The following LBP variants were observed in gnomAD, a reference collection of about 807,000 sequenced individuals.
LBP encodes the protein lipopolysaccharide binding protein.
LBP carries 53 observed loss-of-function variants against 56.6 expected under a neutral mutation model. The observed-to-expected ratio is 0.94, with a 90% CI of 0.75 to 1.18. The LOEUF (loss-of-function observed/expected upper bound fraction) is 1.18. LBP is among the 50% of genes most tolerant of loss of function. LBP has a pLI of 0.00. For missense variants in LBP, 601 were observed against 598.3 expected, an observed-to-expected ratio of 1.00 and a Z score of -0.05; for synonymous variants, 227 against 247.5, an observed-to-expected ratio of 0.92 and a Z score of 0.78.
intron 3 of LBP, among the ~76,000 whole-genome samples, chr20:38,351,737 G>A (rs1256199747): frequency 6.6e-6 from 1 of 152,086 alleles, no homozygotes; most frequent in African/African-American, 2.4e-5. Context: ...TCCCATTTCT[G>A]AGGCCATGCA....
At position 38,360,754 on chromosome 20, in the gene LBP, C is replaced by T. The variant is rs748166795; in HGVS notation, c.639C>T (p.Leu213=). 3 of 1,611,926 alleles carry T rather than the reference C, an allele frequency of 1.9e-6. No homozygotes were observed. The East Asian group carries it at 6.7e-5, about 36-fold the overall frequency. Residue 213 remains leucine, a synonymous_variant, in exon 6 of 15, where the codon CTC becomes CTT. Coordinates refer to ENST00000217407, the MANE Select transcript of LBP (RefSeq NM_004139.5). ...KSVSSDLQPY[L]QTLPVTTEID... ...TGTCCTCCGATCTACAGCCTTATCT[C>T]CAAACTCTGCCAGGTAGGACACCCC...
chr20:38,373,820 A>T, intron 13 of LBP, 117 bp from the exon 14 acceptor site: 1 of 877,754 alleles, frequency 1.1e-6, no homozygotes. Context: ...TAGTCTTGGA[A>T]ATCACTAAAT....
rs115102077 is a variant in LBP at position 38,376,431 on chromosome 20, C to T, written c.1402-194C>T. On this transcript the variant is annotated intron_variant, in intron 14 of 14. Coordinates refer to ENST00000217407, the MANE Select transcript of LBP (RefSeq NM_004139.5). ...CGGGGAATGACAGATCGATCTCTAC[C>T]TTGGAGAAGGTAGCTGGGAAGAGCT... 9.3e-4 allele frequency among the ~76,000 whole-genome samples: 142 copies of T among 152,304 alleles called. 1 individual carries two copies. Among genetic ancestry groups the T allele is most frequent in the African/African-American group, 3.3e-3 (138 of 41,576 alleles).
At chr20:38,346,771 G>C in intron 1 of LBP, 131 bp downstream of exon 1, 1 of 1,287,134 alleles carries the variant, frequency 7.8e-7, no homozygotes, top group Non-Finnish European at 1.1e-6. Flanking sequence ...TGGGTCAGGT[G>C]GCTCTGGCTC....
intron 5 of LBP, among the ~76,000 whole-genome samples, chr20:38,359,136 G>C (rs186794013): frequency 1.1e-4 from 17 of 152,120 alleles, no homozygotes; most frequent in Admixed American, 3.3e-4. Flanking sequence ...TGATCTTTAT[G>C]ATTTTTTTTC....
intron 10 of LBP, among the ~76,000 whole-genome samples, chr20:38,369,617 C>T (rs917515827): frequency 6.6e-6 from 1 of 152,122 alleles, no homozygotes; most frequent in Non-Finnish European, 1.5e-5. Flanking sequence ...AGGATGAAGC[C>T]AGAGTACTAT....
chr20:38,351,758 C>A (rs1219714032), intron 3 of LBP, among the ~76,000 whole-genome samples: 1 of 152,114 alleles, frequency 6.6e-6, no homozygotes, highest in Non-Finnish European at 1.5e-5. Flanking sequence ...CGTTGGCTCA[C>A]CCCTGTAATC....
intron 1 of LBP, among the ~76,000 whole-genome samples, chr20:38,348,246 C>G (rs1023989651): frequency 1.3e-5 from 2 of 152,080 alleles, no homozygotes; most frequent in East Asian, 1.9e-4. Flanking sequence ...TCTTTTGTTC[C>G]TTTGCACTGT....
intron 8 of LBP, among the ~76,000 whole-genome samples, chr20:38,366,506 A>T (rs1241865770): frequency 6.6e-6 from 1 of 152,150 alleles, no homozygotes; most frequent in Admixed American, 6.5e-5. Context: ...CACAAACCGA[A>T]GTCTGTGTGA....
At chr20:38,364,155 T>C in intron 7 of LBP, 89 bp downstream of exon 7, 1 of 860,658 alleles carries the variant, frequency 1.2e-6, no homozygotes, top group Non-Finnish European at 1.9e-6. Context: ...ACTTCAGATC[T>C]GTCCTCATCC....
Position 38,376,782 on chromosome 20 carries a change from C to A in LBP, c.*113C>A. The A allele has an allele frequency of 9.2e-7, 1 of 1,087,792 alleles. No homozygotes were observed. The highest frequency in any genetic ancestry group is 1.4e-6 in the Non-Finnish European group (1 of 712,368). 67.4% of individuals were successfully genotyped at this position (1,087,792 alleles called of 1,614,324 possible). ...ATGAAGACATTTCTGCTCTCAGCTCCGGGGGTGAGGTGTGCCTGGCCTCTG... is the reference window on the plus strand; with the variant it reads ...ATGAAGACATTTCTGCTCTCAGCTCAGGGGGTGAGGTGTGCCTGGCCTCTG... On this transcript the variant is annotated 3_prime_UTR_variant, in exon 15 of 15. Transcript: ENST00000217407.
intron 8 of LBP, 27 bp from the exon 9 acceptor site, chr20:38,366,742 A>T: frequency 6.2e-7 from 1 of 1,612,548 alleles, no homozygotes; most frequent in Non-Finnish European, 8.5e-7. Context: ...GAGCACCCTA[A>T]AACTTCTTCA....
intron 9 of LBP, among the ~76,000 whole-genome samples, chr20:38,368,624 C>T (rs2076890776): frequency 6.6e-6 from 1 of 152,110 alleles, no homozygotes; most frequent in Non-Finnish European, 1.5e-5. Flanking sequence ...AAAAAGAAAG[C>T]ATTGCTGTCC....
chr20:38,367,424 A>G (rs1009586315), intron 9 of LBP, among the ~76,000 whole-genome samples: 2 of 152,232 alleles, frequency 1.3e-5, no homozygotes, highest in Non-Finnish European at 2.9e-5. Flanking sequence ...ACTGCACTCC[A>G]GCCTGGGCAA....
chr20:38,370,834 T>C, intron 11 of LBP, 29 bp downstream of exon 11: 2 of 1,573,436 alleles, frequency 1.3e-6, no homozygotes, highest in Non-Finnish European at 1.7e-6. Context: ...TACATGGGGG[T>C]GCCCAGCTGG....
chr20:38,371,959 C>T (rs934978403), intron 12 of LBP, among the ~76,000 whole-genome samples: 3 of 152,228 alleles, frequency 2.0e-5, no homozygotes, highest in Admixed American at 6.5e-5. Flanking sequence ...CAGTCAGCTA[C>T]ATCCAAAGCA....
Position 38,364,622 on chromosome 20 carries a change from CT to C in LBP, c.792del (p.Ala265GlnfsTer3). ...RNHRSPVTLL[A>X]AVMSLPEEHN... ...CACCGTTCTCCAGTTACCCTCCTTG[CT>C]GCAGTCATGAGCCTTCCTGAGGAAC... On this transcript the variant is annotated frameshift_variant, in exon 8 of 15. Coordinates refer to ENST00000217407, the MANE Select transcript of LBP (RefSeq NM_004139.5). LOFTEE classifies it high-confidence loss of function. 1 of 1,614,144 alleles carries C rather than the reference CT, an allele frequency of 6.2e-7. No individual in the cohort carries two copies. The highest frequency in any genetic ancestry group is 8.5e-7 in the Non-Finnish European group (1 of 1,180,024).
At chr20:38,356,288 CCA>C (rs2076839443) in intron 5 of LBP, among the ~76,000 whole-genome samples, 1 of 131,222 alleles carries the variant, frequency 7.6e-6, no homozygotes, top group Non-Finnish European at 1.7e-5. Flanking sequence ...TACACACACA[CCA>C]CACACACCCT....
Position 38,350,925 on chromosome 20 carries a change from G to A in LBP, c.354G>A (p.Val118=). 6.2e-7 allele frequency: 1 copy of A among 1,613,850 alleles called. No individual in the cohort carries two copies. Among genetic ancestry groups the A allele is most frequent in the Non-Finnish European group, 8.5e-7 (1 of 1,179,832 alleles). Residue 118 remains valine (V), a synonymous_variant, in exon 3 of 15, where the codon GTG becomes GTA. Transcript: ENST00000217407. The part of the protein sequence containing the change: ...SSIRVQGRWK[V]RKSFFKLQGS... ...TCCGGGTCCAGGGCAGGTGGAAGGTGCGCAAGTCATTCTTGTAAGTTGGCT... is the reference window on the plus strand; with the variant it reads ...TCCGGGTCCAGGGCAGGTGGAAGGTACGCAAGTCATTCTTGTAAGTTGGCT...
Sources: allele counts gnomAD v4.1 joint callset (sites outside exome capture counted in the v4.1 genomes callset), GRCh38; gene constraint gnomAD v4.1.1; transcripts MANE v1.5; gene names NCBI Gene and HGNC (gene_info 2026-07-23, HGNC 2026-07-21).